The following STMND1 variants were observed in gnomAD, a reference collection of about 807,000 sequenced individuals.
STMND1 encodes the protein stathmin domain-containing protein 1.
Under a neutral mutation model 23.0 loss-of-function variants are expected in STMND1, and 17 were observed. That is an observed-to-expected ratio of 0.74 (90% CI 0.51 to 1.11). The LOEUF (loss-of-function observed/expected upper bound fraction) is 1.11, where lower values mean the gene tolerates loss of function less well. Ranked by LOEUF, STMND1 falls within the 50% of genes least tolerant of loss-of-function variation. STMND1 has a pLI of 0.00. For missense variants in STMND1, 305 were observed against 329.1 expected (o/e 0.93, Z 0.57); for synonymous variants, 114 against 119.9 (o/e 0.95, Z 0.32).
At chr6:17,120,535 G>A (rs904207001) in intron 2 of STMND1, 72 bp from the exon 3 acceptor site, 22 of 1,251,688 alleles carry the variant, frequency 1.8e-5, no homozygotes, top group African/African-American at 1.2e-4. Flanking sequence ...GAAGGCATCC[G>A]TTTAGCATTT....
chr6:17,120,078 C>G (rs2113487087), intron 2 of STMND1, among the ~76,000 whole-genome samples: 1 of 152,300 alleles, frequency 6.6e-6, no homozygotes, highest in East Asian at 1.9e-4. Context: ...TGATTTGGTT[C>G]AAAGACTCTT....
chr6:17,126,056 ATATATATATATATAT>A (rs1366444786), intron 3 of STMND1, among the ~76,000 whole-genome samples: 6 of 22,596 alleles, frequency 2.7e-4, no homozygotes, highest in Admixed American at 1.1e-3. Context: ...ATATATATAT[ATATATATATATATAT>A]TTTTTTTTTT....
intron 1 of STMND1, among the ~76,000 whole-genome samples, chr6:17,106,749 G>T (rs1325254261): frequency 6.6e-6 from 1 of 152,196 alleles, no homozygotes; most frequent in Non-Finnish European, 1.5e-5. Context: ...TTGCTTGCAT[G>T]AAATATTTAT....
chr6:17,121,328 T>C (rs1761231049), intron 3 of STMND1, among the ~76,000 whole-genome samples: 1 of 152,236 alleles, frequency 6.6e-6, no homozygotes, highest in Non-Finnish European at 1.5e-5. Flanking sequence ...TAATGATTAA[T>C]TGATCCAGTA....
Position 17,130,815 on chromosome 6 carries a change from T to C in STMND1, c.765T>C (p.Ser255=). 6.5e-7 allele frequency: 1 copy of C among 1,535,874 alleles called. No homozygotes were observed. The change falls in exon 5 of 5, where the codon AGT becomes AGC. Residue 255 remains serine (S), a synonymous_variant. Transcript: ENST00000536551. ...CAACCTTGATTGATAGAAACGAAAGTGATGAAAGTTTTGGGGTCGTGGAGT... is the reference window on the plus strand; with the variant it reads ...CAACCTTGATTGATAGAAACGAAAGCGATGAAAGTTTTGGGGTCGTGGAGT... ...CDATLIDRNE[S]DESFGVVESD...
At chr6:17,109,681 A>G (rs1297932001) in intron 1 of STMND1, among the ~76,000 whole-genome samples, 1 of 152,156 alleles carries the variant, frequency 6.6e-6, no homozygotes, top group Non-Finnish European at 1.5e-5. Context: ...TGCTTCTCAC[A>G]GTACACTTTC....
rs147737842 is a variant in STMND1, at chr6:17,114,950, C to A, written c.82-12C>A. 4.1e-3 allele frequency: 6,203 copies of A among 1,501,002 alleles called. 25 individuals carry two copies. The highest frequency in any genetic ancestry group is 4.9e-3 in the Non-Finnish European group (5,565 of 1,133,460). The allele number at this position is 1,501,002 out of a possible 1,614,324, so 93.0% of individuals were successfully genotyped here. A position where few individuals can be genotyped will look rare whatever the true frequency, so the allele number is the denominator to read the frequency against. On this transcript the variant is annotated splice_polypyrimidine_tract_variant and intron_variant, in intron 1 of 4. Transcript: ENST00000536551. ...AAATCTTGACTCTAACAAAACTGTT[C>A]CCTTTTCACAGGCTGATGTCAGTGT...
intron 2 of STMND1, 121 bp downstream of exon 2, chr6:17,115,260 A>G (rs1761143742): frequency 1.1e-6 from 1 of 920,762 alleles, no homozygotes; most frequent in Non-Finnish European, 1.6e-6. Context: ...AGTACATTAA[A>G]TGGCAGTGTT....
chr6:17,109,813 G>A (rs865787806), intron 1 of STMND1, among the ~76,000 whole-genome samples: 3 of 151,998 alleles, frequency 2.0e-5, no homozygotes, highest in Admixed American at 6.6e-5. Context: ...TGTTCCTTCC[G>A]TCCACTCCTG....
chr6:17,109,463 C>G (rs1321031749), intron 1 of STMND1, among the ~76,000 whole-genome samples: 1 of 152,190 alleles, frequency 6.6e-6, no homozygotes, highest in Non-Finnish European at 1.5e-5. Context: ...CTCTGAGGAA[C>G]TTCAAACGTT....
At chr6:17,116,583 G>C (rs970846854) in intron 2 of STMND1, among the ~76,000 whole-genome samples, 1 of 152,016 alleles carries the variant, frequency 6.6e-6, no homozygotes. Context: ...GGGATTACAG[G>C]CATGCGCCAC....
intron 1 of STMND1, chr6:17,110,518 C>G (rs12216291): frequency 4.1e-6 from 1 of 242,000 alleles, no homozygotes; most frequent in African/African-American, 2.3e-5. Flanking sequence ...GTCTGTAATC[C>G]CAACACTTTG....
intron 2 of STMND1, among the ~76,000 whole-genome samples, chr6:17,115,860 G>A (rs1761152856): frequency 6.6e-6 from 1 of 152,096 alleles, no homozygotes; most frequent in Admixed American, 6.6e-5. Context: ...AAAACAGATG[G>A]GTTCATACAT....
In STMND1 at chr6:17,130,597, AAAG is replaced by A. The variant is rs752024449; in HGVS notation, c.556_558del (p.Glu186del). ...ATTCTTTAATACTGCATTTCAGACT[AAAG>A]AAGAAGAAATAAGAAAAAGGCTACG... On this transcript the variant is annotated inframe_deletion, in exon 5 of 5. Transcript: ENST00000536551. 42 of 1,508,302 alleles carry A rather than the reference AAAG, an allele frequency of 2.8e-5. No homozygotes were observed. The highest frequency in any genetic ancestry group is 1.1e-4 in the Admixed American group (5 of 45,108). 93.4% of individuals were successfully genotyped at this position (1,508,302 alleles called of 1,614,324 possible). A position where few individuals can be genotyped will look rare whatever the true frequency, so the allele number is the denominator to read the frequency against.
At chr6:17,102,866 T>C (rs190379537) in intron 1 of STMND1, among the ~76,000 whole-genome samples, 28 of 152,280 alleles carry the variant, frequency 1.8e-4, no homozygotes, top group African/African-American at 6.3e-4. Flanking sequence ...CCCAGAGAGA[T>C]AGGCGACTTG....
At chr6:17,107,572 CTTCTTCTTCCTTCT>C (rs1761042032) in intron 1 of STMND1, among the ~76,000 whole-genome samples, 1 of 152,032 alleles carries the variant, frequency 6.6e-6, no homozygotes. Flanking sequence ...TACTTCTTTT[CTTCTTCTTCCTTCT>C]TTCTTCTTTC....
intron 2 of STMND1, 142 bp from the exon 3 acceptor site, chr6:17,120,465 G>T (rs527607243): frequency 1.7e-6 from 1 of 596,332 alleles, no homozygotes; most frequent in Non-Finnish European, 2.7e-6. Flanking sequence ...GGATCACAAA[G>T]ACTTATAATA....
At chr6:17,115,451 G>A (rs962026366) in intron 2 of STMND1, among the ~76,000 whole-genome samples, 1 of 149,496 alleles carries the variant, frequency 6.7e-6, no homozygotes, top group African/African-American at 2.5e-5. Context: ...GACTTGCACA[G>A]TTCAAAGGAA....
At chr6:17,105,327 G>A (rs922589687) in intron 1 of STMND1, among the ~76,000 whole-genome samples, 7 of 152,310 alleles carry the variant, frequency 4.6e-5, no homozygotes, top group African/African-American at 1.4e-4. Context: ...AGTGCATGAT[G>A]TAAATTATTT....
Sources: gnomAD v4.1 joint callset for allele counts (sites outside exome capture counted in the v4.1 genomes callset) on GRCh38, gnomAD v4.1.1 for gene constraint, MANE v1.5 for transcripts, NCBI Gene and HGNC (gene_info 2026-07-23, HGNC 2026-07-21) for gene names.